The following TBCD variants were observed in gnomAD, a reference collection of about 807,000 sequenced individuals.
TBCD encodes tubulin folding cofactor D.
TBCD carries 105 observed loss-of-function variants against 169.3 expected under a neutral mutation model. The ratio of observed to expected loss-of-function variants is 0.62; its 90% CI spans 0.53 to 0.73. TBCD has a LOEUF of 0.73. Among genes scored for constraint, TBCD ranks in the 30% least tolerant of loss-of-function variants. TBCD has a pLI of 0.00. For missense variants in TBCD, 1,444 were observed against 1,600.1 expected, an observed-to-expected ratio of 0.90 and a Z score of 1.66; for synonymous variants, 700 against 643.9, an observed-to-expected ratio of 1.09 and a Z score of -1.32.
At chr17:82,811,457 T>C (rs1279152114) in intron 12 of TBCD, among the ~76,000 whole-genome samples, 2 of 152,258 alleles carry the variant, frequency 1.3e-5, no homozygotes, top group Non-Finnish European at 2.9e-5. Context: ...GTTATTTTAA[T>C]GTGCTCATTC....
At chr17:82,780,617 T>C (rs1258008026) in intron 6 of TBCD, among the ~76,000 whole-genome samples, 1 of 142,258 alleles carries the variant, frequency 7.0e-6, no homozygotes, top group Non-Finnish European at 1.5e-5. Flanking sequence ...AGCACAAGAC[T>C]CCATCTCAAA....
intron 18 of TBCD, among the ~76,000 whole-genome samples, chr17:82,901,006 CCG>C (rs966189488): frequency 4.6e-5 from 7 of 152,238 alleles, no homozygotes; most frequent in African/African-American, 1.7e-4. Flanking sequence ...CCGCTGCCGT[CCG>C]AGGGGGCGCG....
At chr17:82,933,078 G>A (rs1035279465) in intron 34 of TBCD, among the ~76,000 whole-genome samples, 1 of 152,084 alleles carries the variant, frequency 6.6e-6, no homozygotes, top group Non-Finnish European at 1.5e-5. Context: ...GGCCTCGGCT[G>A]TACGGGGATG....
At chr17:82,908,706 G>A (rs1271283006) in intron 21 of TBCD, among the ~76,000 whole-genome samples, 6 of 152,162 alleles carry the variant, frequency 3.9e-5, no homozygotes, top group African/African-American at 1.2e-4. Flanking sequence ...AGGTGGCCCC[G>A]GGCAGCAGCC....
At position 82,920,789 on chromosome 17, in the gene TBCD, G is replaced by A. The variant is rs1311788513; in HGVS notation, c.2101+171G>A. 1.4e-5 allele frequency among the ~76,000 whole-genome samples: 2 copies of A among 140,846 alleles called. No individual in the cohort carries two copies. Among genetic ancestry groups the A allele is most frequent in the Non-Finnish European group, 3.2e-5 (2 of 62,864 alleles). The allele number at this position is 140,846 out of a possible 152,430, so 92.4% of individuals were successfully genotyped here. A position where few individuals can be genotyped will look rare whatever the true frequency, so the allele number is the denominator to read the frequency against. On this transcript the variant is annotated intron_variant, in intron 24 of 38. Coordinates refer to ENST00000355528, the MANE Select transcript of TBCD (RefSeq NM_005993.5). The surrounding 1 kb of genome is among the most constrained non-coding windows in gnomAD (Gnocchi z 4.1). ...TTACAAGAACCTGCTTAAATAATGG[G>A]TACCCACCGCCCTCTCCCCCCAACA...
chr17:82,816,893 G>A (rs966930942), intron 13 of TBCD, among the ~76,000 whole-genome samples: 2 of 147,582 alleles, frequency 1.4e-5, no homozygotes, highest in African/African-American at 2.5e-5. Flanking sequence ...AGTGTGAAGC[G>A]CCACCTTGTT....
At chr17:82,845,070 G>A (rs1295472756) in intron 13 of TBCD, among the ~76,000 whole-genome samples, 2 of 152,156 alleles carry the variant, frequency 1.3e-5, no homozygotes, top group African/African-American at 4.8e-5. Context: ...CGGTGCCAGT[G>A]TGTGTTGGGG....
chr17:82,850,563 TTGTTGGCTGTGCTGC>T lies in TBCD; in HGVS notation c.1319-19650_1319-19636del, dbSNP rs1234465264. Among the ~76,000 whole-genome samples, 176 of 144,480 alleles carry T rather than the reference TTGTTGGCTGTGCTGC, an allele frequency of 1.2e-3. 2 individuals are homozygous for T. The highest frequency in any genetic ancestry group is 4.2e-3 in the African/African-American group (165 of 39,082). 94.8% of individuals were successfully genotyped at this position (144,480 alleles called of 152,430 possible). ...AGCTGTGCTGTTGTTGGCTGTGCTG[TTGTTGGCTGTGCTGC>T]TGTTGGCTGTCCTGTTGTTGGCTGT... On this transcript the variant is annotated intron_variant, in intron 13 of 38. Transcript: ENST00000355528.
intron 6 of TBCD, among the ~76,000 whole-genome samples, chr17:82,778,571 A>T (rs892170750): frequency 6.7e-6 from 1 of 149,974 alleles, no homozygotes; most frequent in Admixed American, 6.6e-5. Context: ...CAATCCTCCC[A>T]CCTTAGCCTC....
Position 82,818,154 on chromosome 17 carries a change from G to A in TBCD, c.1318+3220G>A, listed in dbSNP as rs113684335. The stretch of plus-strand genomic sequence containing the variant: ...CATAAACGAAAAGGGTAAAGCTATG[G>A]TTCAGAAACTGACACGTGATGTGGA... On this transcript the variant is annotated intron_variant, in intron 13 of 38. Coordinates refer to ENST00000355528, the MANE Select transcript of TBCD (RefSeq NM_005993.5). Among the ~76,000 whole-genome samples the A allele has an allele frequency of 5.4e-3, 830 of 152,344 alleles. 5 individuals are homozygous for A. Among genetic ancestry groups the A allele is most frequent in the African/African-American group, 0.019 (799 of 41,586 alleles).
chr17:82,908,176 G>A (rs1296712963), intron 21 of TBCD: 2 of 386,164 alleles, frequency 5.2e-6, no homozygotes, highest in African/African-American at 4.2e-5. Flanking sequence ...TCCCTCCGGG[G>A]CGCGCGGCTG....
intron 23 of TBCD, among the ~76,000 whole-genome samples, chr17:82,919,671 C>T (rs781691377): frequency 2.0e-5 from 3 of 152,040 alleles, no homozygotes; most frequent in African/African-American, 4.8e-5. Context: ...TCTTTCCAGT[C>T]GGCTGCGGTT....
In TBCD at chr17:82,944,062, G is replaced by C. The variant is rs1299650533; in HGVS notation, c.*1599G>C. On this transcript the variant is annotated 3_prime_UTR_variant, in exon 39 of 39. Transcript: ENST00000355528. Reference sequence around the variant, plus strand: ...GGCCTGGGATGCACTGAGGATGGAAGGAACAAGTGGCTTCTGAGAAAAACA... The same window carrying C: ...GGCCTGGGATGCACTGAGGATGGAACGAACAAGTGGCTTCTGAGAAAAACA... 1 of 152,252 alleles carries C rather than the reference G, an allele frequency of 6.6e-6. No individual in the cohort carries two copies. Among genetic ancestry groups the C allele is most frequent in the Non-Finnish European group, 1.5e-5 (1 of 68,052 alleles). The allele number at this position is 152,252 out of a possible 1,614,324, so 9.4% of individuals were successfully genotyped here.
intron 6 of TBCD, among the ~76,000 whole-genome samples, chr17:82,773,820 G>A (rs1223962454): frequency 1.3e-5 from 2 of 151,598 alleles, no homozygotes; most frequent in Non-Finnish European, 2.9e-5. Flanking sequence ...TCTGCCTCCC[G>A]GTTTCACACC....
In TBCD at chr17:82,752,206, G is replaced by C. The variant is rs1354004393; in HGVS notation, c.13G>C (p.Asp5His). 2.0e-6 allele frequency: 3 copies of C among 1,522,356 alleles called. No individual in the cohort carries two copies. The highest frequency in any genetic ancestry group is 2.9e-5 in the African/African-American group (2 of 69,580). The allele number at this position is 1,522,356 out of a possible 1,614,324, so 94.3% of individuals were successfully genotyped here. Reference sequence around the variant, plus strand: ...CCAGGCTGCCGAGATGGCCCTGAGCGACGAACCGGCCGCGGGCGGCCCCGA... The same window carrying C: ...CCAGGCTGCCGAGATGGCCCTGAGCCACGAACCGGCCGCGGGCGGCCCCGA... MALSDEPAAGGPEEE... is the reference protein window; with the variant it reads MALSHEPAAGGPEEE... Residue 5 changes from aspartate (D) to histidine (H), a missense_variant, in exon 1 of 39, where the codon GAC (aspartate) becomes CAC (histidine). Physicochemically the swap from Asp to His is moderately conservative, Grantham distance 81. Transcript: ENST00000355528.
At position 82,890,894 on chromosome 17, in the gene TBCD, G is replaced by A. The variant is rs2059088262; in HGVS notation, c.1563+1197G>A. On this transcript the variant is annotated intron_variant, in intron 16 of 38. Transcript: ENST00000355528. The surrounding 1 kb of genome is among the most constrained non-coding windows in gnomAD (Gnocchi z 5.3). ...GGTCTTTTGAGTGGAGAGTGTGGCT[G>A]CTGTGAGGAAGAAGGAGCTTGTTGG... is the stretch of plus-strand genomic sequence containing the variant. Among the ~76,000 whole-genome samples the A allele has an allele frequency of 6.6e-6, 1 of 152,228 alleles. No individual in the cohort carries two copies. Among genetic ancestry groups the A allele is most frequent in the Non-Finnish European group, 1.5e-5 (1 of 68,036 alleles).
intron 23 of TBCD, among the ~76,000 whole-genome samples, chr17:82,912,278 G>A (rs779156025): frequency 7.2e-5 from 11 of 152,218 alleles, no homozygotes; most frequent in East Asian, 1.9e-4. Context: ...TTACACACCC[G>A]AGTCCAGGCG....
intron 23 of TBCD, among the ~76,000 whole-genome samples, chr17:82,912,180 T>C (rs1030471554): frequency 6.6e-6 from 1 of 151,470 alleles, no homozygotes; most frequent in Non-Finnish European, 1.5e-5. Flanking sequence ...CCCTGTGGAC[T>C]GAGCAGCGCA....
rs2061498242 is a variant in TBCD at position 82,922,826 on chromosome 17, G to C, written c.2179-826G>C. Among the ~76,000 whole-genome samples the C allele has an allele frequency of 6.6e-6, 1 of 152,258 alleles. No homozygotes were observed. Among genetic ancestry groups the C allele is most frequent in the Non-Finnish European group, 1.5e-5 (1 of 68,052 alleles). On this transcript the variant is annotated intron_variant, in intron 25 of 38. Coordinates refer to ENST00000355528, the MANE Select transcript of TBCD (RefSeq NM_005993.5). The surrounding 1 kb of genome is among the most constrained non-coding windows in gnomAD (Gnocchi z 4.1). ...CTGGGCTTCGGGGGAGCGGTGGAAA[G>C]AACACGTGGGTTTGGTGTTTGCCAC...
Sources: gnomAD v4.1 joint callset for allele counts (sites outside exome capture counted in the v4.1 genomes callset) on GRCh38, gnomAD v4.1.1 for gene constraint, Gnocchi (gnomAD v3.1) non-coding constraint, MANE v1.5 for transcripts, NCBI Gene and HGNC (gene_info 2026-07-23, HGNC 2026-07-21) for gene names.